The following RAD18 variants were observed in gnomAD, a reference collection of about 807,000 sequenced individuals.
RAD18 encodes E3 ubiquitin-protein ligase RAD18.
In RAD18, 47 loss-of-function variants were observed where a neutral mutation model predicts 60.4. The observed-to-expected ratio is 0.78, with a 90% CI of 0.62 to 0.99. The LOEUF is 0.99. Among genes scored for constraint, RAD18 ranks in the 50% least tolerant of loss-of-function variants. The pLI, the probability that RAD18 is intolerant of heterozygous loss-of-function variation, is 0.00. For missense variants in RAD18, 640 were observed against 593.3 expected (o/e 1.08, Z -0.82); for synonymous variants, 225 against 195.5 (o/e 1.15, Z -1.26).
chr3:8,941,436 C>T, intron 5 of RAD18, 31 bp downstream of exon 5: 3 of 1,490,754 alleles, frequency 2.0e-6, no homozygotes, highest in Non-Finnish European at 9.2e-7. Context: ...AAAAGATGTC[C>T]ATATTTCCAC....
chr3:8,917,451 C>CTGT (rs1940224794), intron 7 of RAD18, among the ~76,000 whole-genome samples: 3 of 152,008 alleles, frequency 2.0e-5, no homozygotes, highest in African/African-American at 7.2e-5. Flanking sequence ...AATGGACAAA[C>CTGT]AATAGCAATG....
intron 7 of RAD18, among the ~76,000 whole-genome samples, chr3:8,930,861 T>C (rs943425595): frequency 6.6e-6 from 1 of 152,148 alleles, no homozygotes; most frequent in African/African-American, 2.4e-5. Flanking sequence ...TGAAGGCAAT[T>C]ATTCTTCCTT....
intron 9 of RAD18, among the ~76,000 whole-genome samples, chr3:8,904,972 T>C (rs986622431): frequency 1.4e-4 from 21 of 152,238 alleles, no homozygotes; most frequent in Middle Eastern, 3.2e-3. Flanking sequence ...AAACCAAAAG[T>C]AAATGGCAGC....
At chr3:8,942,385 C>G (rs1226590407) in intron 4 of RAD18, among the ~76,000 whole-genome samples, 1 of 152,206 alleles carries the variant, frequency 6.6e-6, no homozygotes, top group Non-Finnish European at 1.5e-5. Flanking sequence ...CCCAAGACCT[C>G]ACTAGAAGCC....
chr3:8,903,286 T>A (rs1288961811), intron 9 of RAD18, among the ~76,000 whole-genome samples: 1 of 152,194 alleles, frequency 6.6e-6, no homozygotes, highest in Non-Finnish European at 1.5e-5. Context: ...GCATGAAAGA[T>A]GCCCGCTTTC....
intron 7 of RAD18, among the ~76,000 whole-genome samples, chr3:8,914,194 C>G (rs1940157648): frequency 6.6e-6 from 1 of 152,172 alleles, no homozygotes; most frequent in Admixed American, 6.5e-5. Context: ...TGTTACCAAT[C>G]CAATTACATA....
intron 7 of RAD18, among the ~76,000 whole-genome samples, chr3:8,934,573 T>A (rs1486209645): frequency 6.6e-6 from 1 of 152,038 alleles, no homozygotes; most frequent in Non-Finnish European, 1.5e-5. Flanking sequence ...AAATGGAGAG[T>A]TAACAGTGGT....
At chr3:8,933,429 T>C (rs1408102193) in intron 7 of RAD18, among the ~76,000 whole-genome samples, 2 of 152,206 alleles carry the variant, frequency 1.3e-5, no homozygotes, top group African/African-American at 4.8e-5. Context: ...TAAATTCATC[T>C]AACTATACAC....
chr3:8,955,165 A>G (rs1330839995), intron 2 of RAD18, among the ~76,000 whole-genome samples: 1 of 152,156 alleles, frequency 6.6e-6, no homozygotes, highest in Admixed American at 6.5e-5. Flanking sequence ...CAGAAAAGGG[A>G]ACCAGGTTGA....
At chr3:8,943,976 T>C (rs1041232223) in intron 4 of RAD18, among the ~76,000 whole-genome samples, 1 of 151,900 alleles carries the variant, frequency 6.6e-6, no homozygotes, top group East Asian at 1.9e-4. Context: ...ACTAGTGAAA[T>C]AGAAGAGATA....
chr3:8,961,755 C>G (rs1383775354), intron 1 of RAD18, among the ~76,000 whole-genome samples: 1 of 152,212 alleles, frequency 6.6e-6, no homozygotes, highest in African/African-American at 2.4e-5. Context: ...TGGTTGAACA[C>G]TCACTGAACG....
At chr3:8,914,619 C>A (rs889043711) in intron 7 of RAD18, among the ~76,000 whole-genome samples, 1 of 152,098 alleles carries the variant, frequency 6.6e-6, no homozygotes, top group Non-Finnish European at 1.5e-5. Context: ...ACAAAGTTTA[C>A]GTTTTCTGAG....
At chr3:8,934,947 G>A (rs928118629) in intron 7 of RAD18, among the ~76,000 whole-genome samples, 1 of 152,056 alleles carries the variant, frequency 6.6e-6, no homozygotes, top group African/African-American at 2.4e-5. Flanking sequence ...CACAAATGAG[G>A]GCAGGCACAA....
intron 9 of RAD18, among the ~76,000 whole-genome samples, chr3:8,909,564 G>A (rs1320637585): frequency 1.3e-5 from 2 of 151,972 alleles, no homozygotes; most frequent in Non-Finnish European, 2.9e-5. Flanking sequence ...AGAATGGCAA[G>A]CTAGTTATTA....
intron 7 of RAD18, among the ~76,000 whole-genome samples, chr3:8,922,275 G>A (rs528091651): frequency 1.7e-3 from 259 of 152,322 alleles, no homozygotes; most frequent in Non-Finnish European, 2.9e-3. Flanking sequence ...AGCAAACAGC[G>A]CACCAGGAGA....
At chr3:8,945,992 C>T (rs1940833353) in intron 4 of RAD18, among the ~76,000 whole-genome samples, 1 of 151,994 alleles carries the variant, frequency 6.6e-6, no homozygotes, top group South Asian at 2.1e-4. Flanking sequence ...ATTGAAGAAA[C>T]TTTTTTATAA....
At chr3:8,907,543 T>G (rs1490487899) in intron 9 of RAD18, among the ~76,000 whole-genome samples, 1 of 151,996 alleles carries the variant, frequency 6.6e-6, no homozygotes, top group African/African-American at 2.4e-5. Context: ...CATGCCCCTA[T>G]CCTTTGCCCA....
chr3:8,883,596 T>G (rs917025350), intron 12 of RAD18, among the ~76,000 whole-genome samples: 1 of 152,152 alleles, frequency 6.6e-6, no homozygotes, highest in Admixed American at 6.5e-5. Context: ...CAACACTCAG[T>G]GGACAACTCT....
chr3:8,899,271 TA>T (rs1265797310), intron 10 of RAD18, among the ~76,000 whole-genome samples: 1 of 152,210 alleles, frequency 6.6e-6, no homozygotes, highest in Non-Finnish European at 1.5e-5. Flanking sequence ...AGTTTAAAAA[TA>T]AAATTTATTT....
Sources: gnomAD v4.1 joint callset for allele counts (sites outside exome capture counted in the v4.1 genomes callset) on GRCh38, gnomAD v4.1.1 for gene constraint, MANE v1.5 for transcripts, NCBI Gene and HGNC (gene_info 2026-07-23, HGNC 2026-07-21) for gene names.